Variants in CPNE4 observed in about 807,000 individuals in gnomAD.
The protein encoded by CPNE4 is copine 4.
CPNE4 carries 25 observed loss-of-function variants against 67.9 expected under a neutral mutation model. That is an observed-to-expected ratio of 0.37 (90% confidence interval 0.27 to 0.51). The LOEUF is 0.51. CPNE4 is among the 20% of genes least tolerant of loss of function. The pLI, the probability that CPNE4 is intolerant of heterozygous loss-of-function variation, is 0.93. For synonymous variants in CPNE4, 242 were observed against 244.9 expected, an observed-to-expected ratio of 0.99 and a Z score of 0.11; for missense variants, 464 against 690.8, an observed-to-expected ratio of 0.67 and a Z score of 3.68.
chr3:131,842,538 T>C (rs1272899248), intron 2 of CPNE4, among the ~76,000 whole-genome samples: 2 of 152,074 alleles, frequency 1.3e-5, no homozygotes, highest in East Asian at 3.9e-4. Flanking sequence ...GAGGGGAGAA[T>C]CACTTAGATA....
chr3:131,760,293 A>T (rs1207066892), intron 2 of CPNE4, among the ~76,000 whole-genome samples: 1 of 152,162 alleles, frequency 6.6e-6, no homozygotes, highest in African/African-American at 2.4e-5. Context: ...ATGTAACTTA[A>T]TCCTCACAGC....
intron 1 of CPNE4, among the ~76,000 whole-genome samples, chr3:132,033,970 A>C (rs1225955001): frequency 6.6e-6 from 1 of 152,158 alleles, no homozygotes; most frequent in East Asian, 1.9e-4. Flanking sequence ...TAGAGGAAGA[A>C]GCGCTGAAGG....
intron 2 of CPNE4, among the ~76,000 whole-genome samples, chr3:131,886,059 C>A (rs530221693): frequency 1.3e-5 from 2 of 152,216 alleles, no homozygotes; most frequent in African/African-American, 4.8e-5. Flanking sequence ...AAAATGTCTC[C>A]AGGACATGTC....
rs183852536 is a variant in CPNE4 at position 131,575,189 on chromosome 3, T to C, written c.868-59A>G. The C allele has an allele frequency of 5.2e-5, 76 of 1,452,894 alleles. No homozygotes were observed. In the African/African-American group the frequency reaches 9.5e-4, roughly 18 times the overall value. The allele number at this position is 1,452,894 out of a possible 1,614,324, so 90.0% of individuals were successfully genotyped here. The stretch of plus-strand genomic sequence containing the variant: ...ACAGCACAGTCTATTTCCTGATATA[T>C]TGGAGGCCTAAAGGTTGGTGACTGA... On this transcript the variant is annotated intron_variant, in intron 9 of 15. Transcript: ENST00000429747.
At chr3:131,966,783 C>G (rs967873867) in intron 1 of CPNE4, among the ~76,000 whole-genome samples, 70 of 152,318 alleles carry the variant, frequency 4.6e-4, no homozygotes, top group African/African-American at 1.6e-3. Context: ...AGATTCACAG[C>G]TGGACTCTAC....
chr3:131,594,690 A>AGAT (rs1938737422), intron 7 of CPNE4, among the ~76,000 whole-genome samples: 2 of 152,222 alleles, frequency 1.3e-5, no homozygotes, highest in African/African-American at 2.4e-5. Context: ...AAGCAAAAAT[A>AGAT]GATAGGTAGG....
Position 131,542,796 on chromosome 3 carries a change from G to C in CPNE4, c.1303-3C>G. The C allele has an allele frequency of 6.4e-7, 1 of 1,572,542 alleles. No homozygotes were observed. Among genetic ancestry groups the C allele is most frequent in the Non-Finnish European group, 8.6e-7 (1 of 1,157,780 alleles). On this transcript the variant is annotated splice_polypyrimidine_tract_variant and splice_region_variant and intron_variant, in intron 14 of 15. Coordinates refer to ENST00000429747, the MANE Select transcript of CPNE4 (RefSeq NM_130808.3). ...AGGATCAGCAGGATGAAGTATTGCT[G>C]CAGTCAGATGCCCCATGATGATGGG...
intron 1 of CPNE4, among the ~76,000 whole-genome samples, chr3:132,012,526 C>A (rs931547429): frequency 2.6e-5 from 4 of 151,988 alleles, no homozygotes; most frequent in Admixed American, 2.6e-4. Flanking sequence ...GTGTGCTGAT[C>A]CTTGCTCTAG....
intron 2 of CPNE4, among the ~76,000 whole-genome samples, chr3:131,850,116 AT>A (rs767374660): frequency 2.0e-4 from 30 of 152,110 alleles, no homozygotes; most frequent in Non-Finnish European, 3.5e-4. Flanking sequence ...ACAATCCATC[AT>A]TTCCATTTCT....
chr3:131,774,840 A>T (rs1349087036), intron 2 of CPNE4, among the ~76,000 whole-genome samples: 7 of 152,170 alleles, frequency 4.6e-5, no homozygotes, highest in Non-Finnish European at 7.4e-5. Context: ...ATCTAAAATT[A>T]TAGCACCACA....
chr3:131,594,762 C>A (rs1279636920), intron 7 of CPNE4, among the ~76,000 whole-genome samples: 1 of 152,162 alleles, frequency 6.6e-6, no homozygotes, highest in South Asian at 2.1e-4. Flanking sequence ...TAACGGGCAA[C>A]CTATGGAATG....
intron 1 of CPNE4, among the ~76,000 whole-genome samples, chr3:131,994,839 A>G (rs2073249830): frequency 6.6e-6 from 1 of 152,234 alleles, no homozygotes; most frequent in South Asian, 2.1e-4. Flanking sequence ...ATGTTAAAAG[A>G]GAAGTAACCA....
At chr3:131,721,882 C>T (rs116491239) in intron 3 of CPNE4, among the ~76,000 whole-genome samples, 2,436 of 152,254 alleles carry the variant, frequency 0.016, 74 homozygotes, top group African/African-American at 0.056. Context: ...ACTTAGTGGA[C>T]ATTGTACCTG....
At chr3:131,641,478 C>T (rs756753740) in intron 7 of CPNE4, among the ~76,000 whole-genome samples, 3 of 152,080 alleles carry the variant, frequency 2.0e-5, no homozygotes. Context: ...CGCCTCACAT[C>T]TGCAAAAATG....
intron 2 of CPNE4, among the ~76,000 whole-genome samples, chr3:131,776,653 A>G (rs750902261): frequency 1.3e-5 from 2 of 152,140 alleles, no homozygotes; most frequent in Admixed American, 6.5e-5. Context: ...ACACTGAACA[A>G]AACTGCTTAG....
chr3:132,031,659 G>A (rs930715384), intron 1 of CPNE4, among the ~76,000 whole-genome samples: 7 of 152,126 alleles, frequency 4.6e-5, no homozygotes, highest in Non-Finnish European at 1.0e-4. Context: ...TGTGGATAAA[G>A]GTAACATAAT....
intron 15 of CPNE4, among the ~76,000 whole-genome samples, chr3:131,538,580 T>C (rs1239758526): frequency 6.6e-6 from 1 of 152,230 alleles, no homozygotes; most frequent in Non-Finnish European, 1.5e-5. Context: ...ATTTACCTCA[T>C]TTTATAGATG....
chr3:131,901,356 C>T (rs1378280697), intron 2 of CPNE4, among the ~76,000 whole-genome samples: 1 of 151,978 alleles, frequency 6.6e-6, no homozygotes, highest in African/African-American at 2.4e-5. Flanking sequence ...CATATATTGC[C>T]ATCATTACAT....
intron 1 of CPNE4, among the ~76,000 whole-genome samples, chr3:131,961,778 T>C (rs929762600): frequency 6.6e-6 from 1 of 152,124 alleles, no homozygotes; most frequent in Non-Finnish European, 1.5e-5. Flanking sequence ...GACTAGCAGG[T>C]GAAAGGGTAG....
Sources: allele counts gnomAD v4.1 joint callset (sites outside exome capture counted in the v4.1 genomes callset), GRCh38; gene constraint gnomAD v4.1.1; transcripts MANE v1.5; gene names NCBI Gene and HGNC (gene_info 2026-07-23, HGNC 2026-07-21).